Variants in DNAJC6 observed in about 807,000 individuals in gnomAD.
DNAJC6 encodes auxilin.
In DNAJC6, 34 loss-of-function variants were observed where a neutral mutation model predicts 110.0. The observed-to-expected ratio is 0.31, with a 90% confidence interval of 0.24 to 0.41. The LOEUF (loss-of-function observed/expected upper bound fraction) is 0.41. Among genes scored for constraint, DNAJC6 ranks in the 10% least tolerant of loss-of-function variants. The probability of loss-of-function intolerance (pLI) is 1.00; values close to 1 mark genes in which losing one functional copy is unlikely to be tolerated. For missense variants in DNAJC6, 1,031 were observed against 1,207.8 expected, an observed-to-expected ratio of 0.85 and a Z score of 2.17; for synonymous variants, 406 against 437.2, an observed-to-expected ratio of 0.93 and a Z score of 0.89.
At chr1:65,408,241 A>C (rs369938504) in intron 16 of DNAJC6, among the ~76,000 whole-genome samples, 18 of 152,346 alleles carry the variant, frequency 1.2e-4, no homozygotes, top group African/African-American at 4.3e-4. Context: ...ATTGACTAAA[A>C]TATCAACAGA....
At chr1:65,357,877 A>G (rs765230805) in intron 1 of DNAJC6, among the ~76,000 whole-genome samples, 2 of 152,142 alleles carry the variant, frequency 1.3e-5, no homozygotes, top group Non-Finnish European at 2.9e-5. Context: ...CATATTTTTA[A>G]TTGTAAAACT....
At chr1:65,334,783 T>C (rs949630201) in intron 1 of DNAJC6, among the ~76,000 whole-genome samples, 3 of 152,176 alleles carry the variant, frequency 2.0e-5, no homozygotes, top group African/African-American at 7.2e-5. Flanking sequence ...AAGGTGACTC[T>C]CAGATTTCTT....
At position 65,398,807 on chromosome 1, in the gene DNAJC6, T is replaced by G; in HGVS notation, c.2039-6T>G. 1 of 1,614,026 alleles carries G rather than the reference T, an allele frequency of 6.2e-7. No individual in the cohort carries two copies. Among genetic ancestry groups the G allele is most frequent in the Non-Finnish European group, 8.5e-7 (1 of 1,179,946 alleles). ...TTCTCATTCTTTTTCTTTTCCCCAT[T>G]TGCAGCTTCTAGTACGCCTGCTGTG... On this transcript the variant is annotated splice_polypyrimidine_tract_variant and splice_region_variant and intron_variant, in intron 13 of 18. Coordinates refer to ENST00000371069, the MANE Select transcript of DNAJC6 (RefSeq NM_001256864.2).
At chr1:65,363,775 G>A (rs1331355570) in intron 1 of DNAJC6, among the ~76,000 whole-genome samples, 3 of 152,116 alleles carry the variant, frequency 2.0e-5, no homozygotes, top group East Asian at 1.9e-4. Flanking sequence ...AGCCTAAAAT[G>A]TCAATAGTGC....
intron 1 of DNAJC6, among the ~76,000 whole-genome samples, chr1:65,283,491 C>A (rs1653917229): frequency 6.6e-6 from 1 of 152,120 alleles, no homozygotes; most frequent in Non-Finnish European, 1.5e-5. Context: ...CAGTCCATTC[C>A]TTTTTACTGC....
intron 1 of DNAJC6, among the ~76,000 whole-genome samples, chr1:65,311,351 A>C (rs1288461987): frequency 6.7e-6 from 1 of 149,196 alleles, no homozygotes; most frequent in Non-Finnish European, 1.5e-5. Context: ...CAGCCTCCTG[A>C]GTAGCTGGGA....
At chr1:65,288,240 AG>A (rs1654085739) in intron 1 of DNAJC6, among the ~76,000 whole-genome samples, 7 of 152,224 alleles carry the variant, frequency 4.6e-5, no homozygotes, top group Admixed American at 4.6e-4. Flanking sequence ...TCAGCTTGCC[AG>A]GTTAGGATTT....
At chr1:65,345,072 G>A (rs528431851) in intron 1 of DNAJC6, among the ~76,000 whole-genome samples, 2 of 151,910 alleles carry the variant, frequency 1.3e-5, no homozygotes, top group East Asian at 3.9e-4. Context: ...GGCTTTTACA[G>A]ATGATGGATT....
chr1:65,411,120 G>A (rs950640741), intron 17 of DNAJC6, 130 bp from the exon 18 acceptor site: 32 of 804,806 alleles, frequency 4.0e-5, no homozygotes, highest in Non-Finnish European at 5.8e-5. Flanking sequence ...AGAGGAAACA[G>A]CCTGGATCAT....
intron 1 of DNAJC6, among the ~76,000 whole-genome samples, chr1:65,351,650 T>C (rs926980452): frequency 1.3e-5 from 2 of 152,230 alleles, no homozygotes; most frequent in Non-Finnish European, 2.9e-5. Context: ...CTCTGTGTTT[T>C]CACCATCTTG....
chr1:65,392,641 A>G lies in DNAJC6; in HGVS notation c.1679A>G (p.Glu560Gly). Reference protein sequence around the residue: ...PPEDVDLLGLEGSAMSNSFSP... With the variant: ...PPEDVDLLGLGGSAMSNSFSP... Reference sequence around the variant, plus strand: ...GAGGATGTGGACCTTTTGGGCCTGGAAGGGTCTGCAATGAGTAACAGCTTC... The same window carrying G: ...GAGGATGTGGACCTTTTGGGCCTGGGAGGGTCTGCAATGAGTAACAGCTTC... Residue 560 changes from glutamate (E) to glycine (G), a missense_variant, in exon 12 of 19, where the codon GAA becomes GGA. Transcript: ENST00000371069. The G allele has an allele frequency of 6.2e-7, 1 of 1,613,298 alleles. No individual in the cohort carries two copies. The highest frequency in any genetic ancestry group is 8.5e-7 in the Non-Finnish European group (1 of 1,179,664).
At chr1:65,374,246 G>C (rs1262365827) in intron 4 of DNAJC6, among the ~76,000 whole-genome samples, 1 of 151,940 alleles carries the variant, frequency 6.6e-6, no homozygotes, top group Non-Finnish European at 1.5e-5. Flanking sequence ...TTTGCTCAGG[G>C]TGGCTTTGGC....
chr1:65,415,738 A>G lies in DNAJC6; in HGVS notation c.*2713A>G, dbSNP rs1171417638. On this transcript the variant is annotated 3_prime_UTR_variant, in exon 19 of 19. Coordinates refer to ENST00000371069, the MANE Select transcript of DNAJC6 (RefSeq NM_001256864.2). Reference sequence around the variant, plus strand: ...CTGTCACTGTACTATCTACATGTGGAAGAATGTTCAAGTTGAATCCTAATG... The same window carrying G: ...CTGTCACTGTACTATCTACATGTGGGAGAATGTTCAAGTTGAATCCTAATG... 1 of 152,240 alleles carries G rather than the reference A, an allele frequency of 6.6e-6. No homozygotes were observed. The highest frequency in any genetic ancestry group is 1.5e-5 in the Non-Finnish European group (1 of 68,036). The allele number at this position is 152,240 out of a possible 1,614,324, so 9.4% of individuals were successfully genotyped here. A position where few individuals can be genotyped will look rare whatever the true frequency, so the allele number is the denominator to read the frequency against.
chr1:65,346,881 C>T (rs1354256806), intron 1 of DNAJC6, among the ~76,000 whole-genome samples: 1 of 152,080 alleles, frequency 6.6e-6, no homozygotes, highest in Non-Finnish European at 1.5e-5. Flanking sequence ...AAGCCATCCT[C>T]TTTCCAACAA....
chr1:65,368,874 T>C (rs889561366), intron 4 of DNAJC6, among the ~76,000 whole-genome samples: 2 of 151,248 alleles, frequency 1.3e-5, no homozygotes, highest in African/African-American at 4.9e-5. Flanking sequence ...TCCTGGGTTC[T>C]GATTCTTGTA....
chr1:65,365,897 A>G lies in DNAJC6; in HGVS notation c.357A>G (p.Gly119=). 1 of 1,613,410 alleles carries G rather than the reference A, an allele frequency of 6.2e-7. No individual in the cohort carries two copies. Among genetic ancestry groups the G allele is most frequent in the Non-Finnish European group, 8.5e-7 (1 of 1,179,630 alleles). The change falls in exon 3 of 19, where the codon GGA becomes GGG. Residue 119 remains glycine, a synonymous_variant. Transcript: ENST00000371069. ...VIQSVTSYTK[G]DLDFTYVTSR... ...GTCTTGCTTTTAGCTACACAAAGGG[A>G]GATTTAGACTTCACTTATGTTACCT...
At chr1:65,412,856 G>C in intron 18 of DNAJC6, 68 bp from the exon 19 acceptor site, 1 of 1,310,014 alleles carries the variant, frequency 7.6e-7, no homozygotes, top group Non-Finnish European at 1.1e-6. Context: ...TATATTGGCA[G>C]TGAAAAATTT....
At chr1:65,377,643 AC>A (rs1419521946) in intron 4 of DNAJC6, among the ~76,000 whole-genome samples, 1 of 152,216 alleles carries the variant, frequency 6.6e-6, no homozygotes, top group Non-Finnish European at 1.5e-5. Flanking sequence ...GAAAAAAGTT[AC>A]AAATTAACAA....
chr1:65,359,985 C>T (rs937737848), intron 1 of DNAJC6, among the ~76,000 whole-genome samples: 1 of 152,108 alleles, frequency 6.6e-6, no homozygotes, highest in Non-Finnish European at 1.5e-5. Flanking sequence ...AAAAACAGGC[C>T]GTGGACTGGA....
Sources: allele counts gnomAD v4.1 joint callset (sites outside exome capture counted in the v4.1 genomes callset), GRCh38; gene constraint gnomAD v4.1.1; transcripts MANE v1.5; gene names NCBI Gene and HGNC (gene_info 2026-07-23, HGNC 2026-07-21).